MYO3B: variants seen among roughly 807,000 people sequenced by gnomAD.
MYO3B encodes the protein myosin IIIB, also known as myosin-IIIb.
A neutral mutation model predicts 174.6 loss-of-function variants in MYO3B; 156 were observed. The observed-to-expected ratio is 0.89, with a 90% CI of 0.78 to 1.02. The LOEUF is 1.02. Among genes scored for constraint, MYO3B ranks in the 50% least tolerant of loss-of-function variants. The pLI is 0.00. For synonymous variants in MYO3B, 563 were observed against 569.1 expected (o/e 0.99, Z 0.15); for missense variants, 1,632 against 1,639.4 (o/e 1.00, Z 0.08).
intron 10 of MYO3B, chr2:170,382,853 T>C (rs1574887200): frequency 2.4e-6 from 1 of 419,238 alleles, no homozygotes; most frequent in East Asian, 3.9e-5. Flanking sequence ...AAGTCCTAAG[T>C]GGGCCTAATT....
chr2:170,178,623 A>C (rs1453369136), intron 1 of MYO3B, among the ~76,000 whole-genome samples: 1 of 152,170 alleles, frequency 6.6e-6, no homozygotes, highest in Non-Finnish European at 1.5e-5. Flanking sequence ...CCTGCAGTTT[A>C]TAATAGAATG....
chr2:170,416,818 G>GTTGTTT (rs2094582662), intron 22 of MYO3B, among the ~76,000 whole-genome samples: 1 of 116,124 alleles, frequency 8.6e-6, no homozygotes, highest in African/African-American at 3.3e-5. Flanking sequence ...TTTTTCTGTT[G>GTTGTTT]TTTTTTTTTT....
chr2:170,311,492 A>G (rs1466817574), intron 7 of MYO3B, among the ~76,000 whole-genome samples: 1 of 150,698 alleles, frequency 6.6e-6, no homozygotes, highest in Non-Finnish European at 1.5e-5. Context: ...ATTTTTTCTA[A>G]TATATTCTGG....
intron 22 of MYO3B, among the ~76,000 whole-genome samples, chr2:170,416,722 T>G (rs1025190425): frequency 2.0e-5 from 3 of 151,610 alleles, no homozygotes; most frequent in Non-Finnish European, 2.9e-5. Context: ...TACTCTGTTT[T>G]TGTTTTGTTC....
chr2:170,379,501 G>GC (rs1553477221), intron 9 of MYO3B, among the ~76,000 whole-genome samples: 2 of 152,080 alleles, frequency 1.3e-5, no homozygotes, highest in African/African-American at 4.8e-5. Context: ...CCAGTATTTT[G>GC]TTTTTTGATT....
intron 25 of MYO3B, among the ~76,000 whole-genome samples, chr2:170,489,124 A>G (rs1360740422): frequency 6.6e-6 from 1 of 152,256 alleles, no homozygotes; most frequent in Non-Finnish European, 1.5e-5. Flanking sequence ...AGCCTGAATT[A>G]GAAGACCTGG....
At chr2:170,530,894 A>G (rs968880435) in intron 30 of MYO3B, among the ~76,000 whole-genome samples, 1 of 152,228 alleles carries the variant, frequency 6.6e-6, no homozygotes, top group African/African-American at 2.4e-5. Flanking sequence ...GAGGGCAAAC[A>G]GTGGAAGCCA....
intron 32 of MYO3B, among the ~76,000 whole-genome samples, chr2:170,567,857 T>G (rs937847272): frequency 6.6e-6 from 1 of 152,220 alleles, no homozygotes; most frequent in African/African-American, 2.4e-5. Flanking sequence ...CCATGCACAT[T>G]TTTATGTGCT....
intron 1 of MYO3B, among the ~76,000 whole-genome samples, chr2:170,193,118 T>A (rs1173813771): frequency 1.3e-5 from 2 of 151,960 alleles, no homozygotes; most frequent in Admixed American, 6.6e-5. Context: ...TATTATTGTG[T>A]TTTGTCTATT....
At chr2:170,445,124 G>C (rs945768038) in intron 23 of MYO3B, among the ~76,000 whole-genome samples, 2 of 152,062 alleles carry the variant, frequency 1.3e-5, no homozygotes, top group African/African-American at 4.8e-5. Flanking sequence ...ACATGTTTCT[G>C]TTAAAAGACA....
chr2:170,341,409 CATG>C (rs1364521960), intron 8 of MYO3B: 1 of 152,144 alleles, frequency 6.6e-6, no homozygotes, highest in African/African-American at 2.4e-5. Context: ...CTCAGGAGGC[CATG>C]CAAAGGGTTA....
chr2:170,404,134 C>A, intron 19 of MYO3B, 113 bp from the exon 20 acceptor site: 1 of 1,045,914 alleles, frequency 9.6e-7, no homozygotes, highest in Non-Finnish European at 1.4e-6. Context: ...AAAACATATC[C>A]TGCTTTCCAC....
intron 7 of MYO3B, among the ~76,000 whole-genome samples, chr2:170,253,146 G>A (rs1305994483): frequency 6.6e-6 from 1 of 152,174 alleles, no homozygotes; most frequent in Non-Finnish European, 1.5e-5. Context: ...AAGAGTAGAA[G>A]CAGAGACTCA....
intron 16 of MYO3B, among the ~76,000 whole-genome samples, chr2:170,396,481 A>G (rs890172415): frequency 2.0e-5 from 3 of 152,094 alleles, no homozygotes; most frequent in African/African-American, 7.2e-5. Flanking sequence ...AGTCAAGTGG[A>G]TGGAATAGCC....
At chr2:170,652,261 C>A (rs1351866774) in intron 34 of MYO3B, 107 bp downstream of exon 34, 1 of 869,818 alleles carries the variant, frequency 1.1e-6, no homozygotes. Context: ...AATATGCAAT[C>A]CAGATATTGC....
chr2:170,413,006 G>C (rs1393182583), intron 22 of MYO3B, among the ~76,000 whole-genome samples: 2 of 152,136 alleles, frequency 1.3e-5, no homozygotes, highest in African/African-American at 4.8e-5. Flanking sequence ...GTTATTTCTA[G>C]AAGTAACACA....
intron 22 of MYO3B, among the ~76,000 whole-genome samples, chr2:170,433,659 G>A (rs2094728880): frequency 6.6e-6 from 1 of 152,202 alleles, no homozygotes; most frequent in South Asian, 2.1e-4. Context: ...AGACATGTAA[G>A]CATGAGCCTC....
chr2:170,234,688 AC>A (rs1373003998), intron 6 of MYO3B, among the ~76,000 whole-genome samples: 1 of 152,040 alleles, frequency 6.6e-6, no homozygotes, highest in Non-Finnish European at 1.5e-5. Context: ...TTCACCCCAA[AC>A]CTGCCCCTCC....
intron 28 of MYO3B, among the ~76,000 whole-genome samples, chr2:170,509,919 G>T (rs779405911): frequency 5.9e-5 from 9 of 152,310 alleles, no homozygotes; most frequent in Non-Finnish European, 1.3e-4. Context: ...CCTAACAGCT[G>T]AACGACAGCC....
Sources: gnomAD v4.1 joint callset for allele counts (sites outside exome capture counted in the v4.1 genomes callset) on GRCh38, gnomAD v4.1.1 for gene constraint, MANE v1.5 for transcripts, NCBI Gene and HGNC (gene_info 2026-07-23, HGNC 2026-07-21) for gene names.